The following DTWD1 variants were observed in gnomAD, a reference collection of about 807,000 sequenced individuals.
DTWD1 encodes tRNA-uridine aminocarboxypropyltransferase 1.
In DTWD1, 27 loss-of-function variants were observed where a neutral mutation model predicts 30.2. That is an observed-to-expected ratio of 0.90 (90% CI 0.66 to 1.23). DTWD1 has a LOEUF of 1.23. Among genes scored for constraint, DTWD1 ranks in the 50% most tolerant of loss-of-function variants. DTWD1 has a pLI of 0.00. For synonymous variants in DTWD1, 99 were observed against 113.1 expected (o/e 0.88, Z 0.79); for missense variants, 342 against 348.8 (o/e 0.98, Z 0.15).
In DTWD1 at chr15:49,654,908, G is replaced by A. The variant is rs1598680873; in HGVS notation, c.*11330G>A. The A allele has an allele frequency of 6.6e-6, 1 of 152,144 alleles. No homozygotes were observed. Among genetic ancestry groups the A allele is most frequent in the East Asian group, 1.9e-4 (1 of 5,156 alleles). 9.4% of individuals were successfully genotyped at this position (152,144 alleles called of 1,614,324 possible). A position where few individuals can be genotyped will look rare whatever the true frequency, so the allele number is the denominator to read the frequency against. On this transcript the variant is annotated 3_prime_UTR_variant, in exon 5 of 5. Transcript: ENST00000403028. Reference sequence around the variant, plus strand: ...TTCAGCATGGTTAGGTGTTTAGTGGGCGCTCCCTTCCTGGTTTGCAGACAG... The same window carrying A: ...TTCAGCATGGTTAGGTGTTTAGTGGACGCTCCCTTCCTGGTTTGCAGACAG...
intron 3 of DTWD1, chr15:49,633,472 C>A (rs1369844852): frequency 6.3e-6 from 1 of 159,398 alleles, no homozygotes; most frequent in African/African-American, 2.4e-5. Flanking sequence ...GTAGCTGAGG[C>A]CATGGGTGTG....
At chr15:49,640,393 A>G (rs2079052302) in intron 4 of DTWD1, among the ~76,000 whole-genome samples, 1 of 152,146 alleles carries the variant, frequency 6.6e-6, no homozygotes. Context: ...TCCTATTGCA[A>G]ATAATGCTAC....
rs905110897 is a variant in DTWD1 at position 49,653,097 on chromosome 15, G to T, written c.*9519G>T. 3 of 152,094 alleles carry T rather than the reference G, an allele frequency of 2.0e-5. No homozygotes were observed. The highest frequency in any genetic ancestry group is 4.4e-5 in the Non-Finnish European group (3 of 68,024). 9.4% of individuals were successfully genotyped at this position (152,094 alleles called of 1,614,324 possible). A position where few individuals can be genotyped will look rare whatever the true frequency, so the allele number is the denominator to read the frequency against. On this transcript the variant is annotated 3_prime_UTR_variant, in exon 5 of 5. Coordinates refer to ENST00000403028, the MANE Select transcript of DTWD1 (RefSeq NM_001144955.2). ...ATTCAGCAATAGATAACAGAAATTG[G>T]TATCAGGAGTGGGGTGTTACCATAA... is the stretch of plus-strand genomic sequence containing the variant.
At chr15:49,635,091 A>G (rs2078984067) in intron 4 of DTWD1, among the ~76,000 whole-genome samples, 1 of 151,970 alleles carries the variant, frequency 6.6e-6, no homozygotes, top group African/African-American at 2.4e-5. Flanking sequence ...CTGGAGTGCA[A>G]TGGCACAATC....
intron 2 of DTWD1, 122 bp downstream of exon 2, chr15:49,625,553 G>A: frequency 9.1e-7 from 1 of 1,099,544 alleles, no homozygotes; most frequent in Non-Finnish European, 1.3e-6. Context: ...ACAAGTGCTT[G>A]TTGCTGCAAA....
At chr15:49,642,176 C>T (rs1451833266) in intron 4 of DTWD1, among the ~76,000 whole-genome samples, 4 of 152,148 alleles carry the variant, frequency 2.6e-5, no homozygotes, top group Admixed American at 1.3e-4. Flanking sequence ...AGTGGGAAAT[C>T]ATTAGTGACT....
chr15:49,628,773 AG>A (rs1273399794), intron 2 of DTWD1, among the ~76,000 whole-genome samples: 29 of 151,870 alleles, frequency 1.9e-4, no homozygotes, highest in Admixed American at 3.9e-4. Context: ...TTTTAAACAC[AG>A]TTAAGCTTTA....
chr15:49,645,681 A>G lies in DTWD1; in HGVS notation c.*2103A>G, dbSNP rs546459271. ...AGTTCAGAGGGAAAAGAAAAAAAAA[A>G]GCGAGAGACAGAGAACAATTCTATC... On this transcript the variant is annotated 3_prime_UTR_variant, in exon 5 of 5. Coordinates refer to ENST00000403028, the MANE Select transcript of DTWD1 (RefSeq NM_001144955.2). The G allele has an allele frequency of 1.3e-5, 2 of 152,142 alleles. No individual in the cohort carries two copies. The highest frequency in any genetic ancestry group is 4.1e-4 in the South Asian group (2 of 4,826). 9.4% of individuals were successfully genotyped at this position (152,142 alleles called of 1,614,324 possible). A position where few individuals can be genotyped will look rare whatever the true frequency, so the allele number is the denominator to read the frequency against.
At chr15:49,627,058 T>C (rs950436610) in intron 2 of DTWD1, among the ~76,000 whole-genome samples, 1 of 152,114 alleles carries the variant, frequency 6.6e-6, no homozygotes, top group Non-Finnish European at 1.5e-5. Flanking sequence ...TATTAAAAAA[T>C]GGATTGCATA....
At chr15:49,634,183 C>G (rs999328195) in intron 3 of DTWD1, among the ~76,000 whole-genome samples, 1 of 152,146 alleles carries the variant, frequency 6.6e-6, no homozygotes, top group Non-Finnish European at 1.5e-5. Flanking sequence ...GGCATTTAAT[C>G]ATTGAACAGT....
At chr15:49,642,394 C>G (rs1471382967) in intron 4 of DTWD1, among the ~76,000 whole-genome samples, 1 of 152,024 alleles carries the variant, frequency 6.6e-6, no homozygotes, top group Non-Finnish European at 1.5e-5. Flanking sequence ...TTAATTATTC[C>G]CTTTTTAAAT....
At position 49,634,625 on chromosome 15, in the gene DTWD1, CA is replaced by C. The variant is rs1412686031; in HGVS notation, c.503del (p.Asn168MetfsTer22). ...QKRIQNNVRG[K>X]NDDPDKPSFK... ...AAAGGATTCAAAATAATGTTAGAGG[CA>C]AAAATGATGACCCTGACAAGCCATC... On this transcript the variant is annotated frameshift_variant, in exon 4 of 5. Coordinates refer to ENST00000403028, the MANE Select transcript of DTWD1 (RefSeq NM_001144955.2). LOFTEE classifies it high-confidence loss of function. 1 of 1,613,552 alleles carries C rather than the reference CA, an allele frequency of 6.2e-7. No individual in the cohort carries two copies. Among genetic ancestry groups the C allele is most frequent in the African/African-American group, 1.3e-5 (1 of 74,848 alleles).
In DTWD1 at chr15:49,625,144, G is replaced by T. The variant is rs3210227; in HGVS notation, c.-24G>T. The T allele has an allele frequency of 6.2e-7, 1 of 1,605,264 alleles. No homozygotes were observed. The highest frequency in any genetic ancestry group is 1.1e-5 in the South Asian group (1 of 90,292). On this transcript the variant is annotated 5_prime_UTR_variant, in exon 2 of 5. Transcript: ENST00000403028. ...TATGATATGTGTTTTAGAAATAGCC[G>T]TTAAACTTTGGTTTGAATGAAGAAT... is the stretch of plus-strand genomic sequence containing the variant.
chr15:49,625,651 G>A (rs2078833206), intron 2 of DTWD1: 26 of 495,864 alleles, frequency 5.2e-5, no homozygotes, highest in South Asian at 4.0e-4. Context: ...AGAGCACACC[G>A]AACAAAGGAA....
At chr15:49,635,764 G>A (rs2078993509) in intron 4 of DTWD1, among the ~76,000 whole-genome samples, 3 of 152,156 alleles carry the variant, frequency 2.0e-5, no homozygotes, top group Admixed American at 2.0e-4. Flanking sequence ...AAAGTGCTGG[G>A]ATTACAGGTG....
intron 3 of DTWD1, 64 bp from the exon 4 acceptor site, chr15:49,634,472 A>T (rs1047784589): frequency 4.5e-4 from 662 of 1,473,832 alleles, no homozygotes; most frequent in Non-Finnish European, 5.8e-4. Flanking sequence ...TTTTAAGTCA[A>T]TCAAAATTTA....
rs1201685956 is a variant in DTWD1, at chr15:49,644,930, T to A, written c.*1352T>A. The A allele has an allele frequency of 6.6e-6, 1 of 152,180 alleles. No homozygotes were observed. Among genetic ancestry groups the A allele is most frequent in the East Asian group, 1.9e-4 (1 of 5,196 alleles). 9.4% of individuals were successfully genotyped at this position (152,180 alleles called of 1,614,324 possible). ...CACTTGAAATAGCCTTCTATTTCTT[T>A]TGGGGACTCTGATAAATTCACCTGT... On this transcript the variant is annotated 3_prime_UTR_variant, in exon 5 of 5. Transcript: ENST00000403028.
In DTWD1 at chr15:49,625,283, T is replaced by C; in HGVS notation, c.116T>C (p.Leu39Ser). The C allele has an allele frequency of 6.2e-7, 1 of 1,613,686 alleles. No individual in the cohort carries two copies. Among genetic ancestry groups the C allele is most frequent in the Non-Finnish European group, 8.5e-7 (1 of 1,179,780 alleles). Residue 39 changes from leucine to serine, a missense_variant, in exon 2 of 5, where the codon TTA (leucine) becomes TCA (serine). Leu to Ser is a moderately radical substitution (Grantham distance 145). Transcript: ENST00000403028. ...GCTTCAGAAGATCCCCTTCAAAACT[T>C]ATGTTTAGCATCTCAAGAAGTTCTT... is the stretch of plus-strand genomic sequence containing the variant. ...SIASEDPLQN[L>S]CLASQEVLQK...
At chr15:49,628,092 A>T (rs2078868528) in intron 2 of DTWD1, among the ~76,000 whole-genome samples, 1 of 150,150 alleles carries the variant, frequency 6.7e-6, no homozygotes, top group Non-Finnish European at 1.5e-5. Context: ...TTACTTTTTA[A>T]ACTTTTTTTG....
Sources: gnomAD v4.1 joint callset for allele counts (sites outside exome capture counted in the v4.1 genomes callset) on GRCh38, gnomAD v4.1.1 for gene constraint, MANE v1.5 for transcripts, NCBI Gene and HGNC (gene_info 2026-07-23, HGNC 2026-07-21) for gene names.